FMN1: variants seen among roughly 807,000 people sequenced by gnomAD.
The protein encoded by FMN1 is formin 1.
In FMN1, 110 loss-of-function variants were observed where a neutral mutation model predicts 132.4. That is an observed-to-expected ratio of 0.83 (90% CI 0.71 to 0.97). The LOEUF (loss-of-function observed/expected upper bound fraction) is 0.97. FMN1 is among the 50% of genes least tolerant of loss of function. The probability of loss-of-function intolerance (pLI) is 0.00; values close to 1 mark genes in which losing one functional copy is unlikely to be tolerated. For synonymous variants in FMN1, 722 were observed against 651.7 expected (o/e 1.11, Z -1.64); for missense variants, 1,792 against 1,705.3 (o/e 1.05, Z -0.90).
At chr15:33,124,001 C>CA (rs1962814326) in intron 4 of FMN1, among the ~76,000 whole-genome samples, 1 of 152,332 alleles carries the variant, frequency 6.6e-6, no homozygotes, top group South Asian at 2.1e-4. Flanking sequence ...GCTACTAAGA[C>CA]AGTGTCCCAA....
At chr15:33,160,329 C>G (rs1158059931) in intron 3 of FMN1, among the ~76,000 whole-genome samples, 1 of 152,170 alleles carries the variant, frequency 6.6e-6, no homozygotes, top group Non-Finnish European at 1.5e-5. Context: ...AACTGGAGGA[C>G]TGAGCCAAAC....
intron 9 of FMN1, among the ~76,000 whole-genome samples, chr15:32,936,665 GAGA>G (rs1352604783): frequency 6.6e-6 from 1 of 151,880 alleles, no homozygotes; most frequent in Non-Finnish European, 1.5e-5. Flanking sequence ...GGAGGAAGAG[GAGA>G]AGGAGGAGGA....
At chr15:33,150,794 C>T in intron 4 of FMN1, 3 of 985,644 alleles carry the variant, frequency 3.0e-6, no homozygotes, top group Non-Finnish European at 3.6e-6. Context: ...GTTATTTCCA[C>T]AGGAAATAAA....
At chr15:32,893,281 T>C (rs1167680039) in intron 15 of FMN1, among the ~76,000 whole-genome samples, 2 of 152,242 alleles carry the variant, frequency 1.3e-5, no homozygotes, top group African/African-American at 2.4e-5. Context: ...ACTACAAAGC[T>C]CCATGCTAAT....
intron 9 of FMN1, among the ~76,000 whole-genome samples, chr15:32,955,632 T>G (rs559941927): frequency 6.6e-6 from 1 of 152,318 alleles, no homozygotes; most frequent in Non-Finnish European, 1.5e-5. Context: ...ACTTCAAAAC[T>G]TCCCTCAACG....
intron 10 of FMN1, among the ~76,000 whole-genome samples, chr15:32,923,902 T>A (rs2060892731): frequency 1.3e-5 from 2 of 152,178 alleles, no homozygotes; most frequent in South Asian, 4.1e-4. Context: ...GCGTTACACA[T>A]CATGGTGATG....
At chr15:32,808,109 AC>A (rs1244803032) in intron 17 of FMN1, among the ~76,000 whole-genome samples, 1 of 152,228 alleles carries the variant, frequency 6.6e-6, no homozygotes, top group Non-Finnish European at 1.5e-5. Flanking sequence ...CGGTGTTCCA[AC>A]GTTCTAGTTC....
At chr15:33,104,115 T>G (rs533797944) in intron 4 of FMN1, among the ~76,000 whole-genome samples, 16 of 152,242 alleles carry the variant, frequency 1.1e-4, no homozygotes, top group African/African-American at 2.6e-4. Flanking sequence ...CTTTTATCAA[T>G]ACAGTCAAGT....
chr15:33,157,949 A>G (rs1595580258), intron 3 of FMN1, among the ~76,000 whole-genome samples: 1 of 150,972 alleles, frequency 6.6e-6, no homozygotes, highest in East Asian at 2.0e-4. Context: ...GCGCCACTGC[A>G]CCACTGTACT....
intron 17 of FMN1, among the ~76,000 whole-genome samples, chr15:32,822,447 C>T (rs1168271119): frequency 1.3e-5 from 2 of 152,186 alleles, no homozygotes; most frequent in African/African-American, 4.8e-5. Flanking sequence ...ACTTTAATGA[C>T]AGTTTGGTTA....
At chr15:32,820,503 C>T (rs901183536) in intron 17 of FMN1, among the ~76,000 whole-genome samples, 7 of 151,372 alleles carry the variant, frequency 4.6e-5, no homozygotes. Context: ...ATCACACCCT[C>T]TGTCTCCCCC....
At chr15:33,146,241 CA>C (rs1422033796) in intron 4 of FMN1, among the ~76,000 whole-genome samples, 1 of 152,122 alleles carries the variant, frequency 6.6e-6, no homozygotes, top group African/African-American at 2.4e-5. Context: ...TTCAATACTG[CA>C]AAACTGTTGG....
At chr15:33,184,921 A>T (rs1266135383) in intron 2 of FMN1, among the ~76,000 whole-genome samples, 2 of 152,222 alleles carry the variant, frequency 1.3e-5, no homozygotes, top group Non-Finnish European at 2.9e-5. Context: ...AATGTAATCC[A>T]CTTAAGTAAA....
intron 2 of FMN1, among the ~76,000 whole-genome samples, chr15:33,193,042 T>C (rs546374457): frequency 6.6e-6 from 1 of 152,340 alleles, no homozygotes; most frequent in East Asian, 1.9e-4. Flanking sequence ...GTCTCACTAC[T>C]CTTCTCCATT....
At chr15:32,832,829 G>C (rs1312157837) in intron 17 of FMN1, among the ~76,000 whole-genome samples, 2 of 152,074 alleles carry the variant, frequency 1.3e-5, no homozygotes, top group Non-Finnish European at 2.9e-5. Flanking sequence ...TGATGATACG[G>C]GGGTTATTTG....
chr15:32,792,399 C>T (rs1053512516), intron 19 of FMN1, among the ~76,000 whole-genome samples: 1 of 151,608 alleles, frequency 6.6e-6, no homozygotes, highest in Admixed American at 6.6e-5. Context: ...GAGCCGAAAT[C>T]GCGCCACTGC....
chr15:33,091,573 C>T (rs2038904473), intron 4 of FMN1, among the ~76,000 whole-genome samples: 1 of 152,088 alleles, frequency 6.6e-6, no homozygotes, highest in Admixed American at 6.5e-5. Context: ...CCATAAGTAA[C>T]ATAAAACTGA....
intron 6 of FMN1, among the ~76,000 whole-genome samples, chr15:33,047,876 TA>T (rs1174310882): frequency 6.6e-6 from 1 of 151,530 alleles, no homozygotes. Context: ...GTAATCCAAT[TA>T]AAAAAAAACT....
At chr15:32,979,483 G>A (rs1403015764) in intron 7 of FMN1, among the ~76,000 whole-genome samples, 1 of 150,636 alleles carries the variant, frequency 6.6e-6, no homozygotes, top group African/African-American at 2.4e-5. Context: ...GTGAACCCGG[G>A]AGGCGGAGCT....
Sources: gnomAD v4.1 joint callset for allele counts (sites outside exome capture counted in the v4.1 genomes callset) on GRCh38, gnomAD v4.1.1 for gene constraint, MANE v1.5 for transcripts, NCBI Gene and HGNC (gene_info 2026-07-23, HGNC 2026-07-21) for gene names.